WDR35: variants seen among roughly 807,000 people sequenced by gnomAD.
The protein encoded by WDR35 is WD repeat-containing protein 35.
WDR35 carries 118 observed loss-of-function variants against 158.3 expected under a neutral mutation model. The observed-to-expected ratio is 0.75, with a 90% CI of 0.64 to 0.87. The LOEUF (loss-of-function observed/expected upper bound fraction) is 0.87, where lower values mean the gene tolerates loss of function less well. Ranked by LOEUF, WDR35 falls within the 40% of genes least tolerant of loss-of-function variation. The pLI, the probability that WDR35 is intolerant of heterozygous loss-of-function variation, is 0.00. For synonymous variants in WDR35, 448 were observed against 476.1 expected, an observed-to-expected ratio of 0.94 and a Z score of 0.77; for missense variants, 1,263 against 1,405.8, an observed-to-expected ratio of 0.90 and a Z score of 1.62.
chr2:19,987,182 G>C (rs1672591729), intron 2 of WDR35, among the ~76,000 whole-genome samples: 1 of 152,152 alleles, frequency 6.6e-6, no homozygotes, highest in Admixed American at 6.5e-5. Flanking sequence ...TGCATCTTTA[G>C]CACAACACAG....
At chr2:19,946,866 A>G (rs1671077122) in intron 14 of WDR35, among the ~76,000 whole-genome samples, 1 of 152,212 alleles carries the variant, frequency 6.6e-6, no homozygotes, top group African/African-American at 2.4e-5. Context: ...AAAAATCTAA[A>G]GTTATTTATA....
intron 10 of WDR35, among the ~76,000 whole-genome samples, chr2:19,963,259 G>A (rs1236429973): frequency 1.3e-5 from 2 of 152,096 alleles, no homozygotes; most frequent in Non-Finnish European, 2.9e-5. Context: ...AGTTTAAAAA[G>A]GGTGATTACA....
intron 17 of WDR35, among the ~76,000 whole-genome samples, chr2:19,939,149 C>G (rs1045190818): frequency 6.6e-6 from 1 of 151,998 alleles, no homozygotes; most frequent in Non-Finnish European, 1.5e-5. Context: ...TGAAATCCAG[C>G]CAACTAAAAG....
Position 19,932,308 on chromosome 2 carries a change from A to G in WDR35, c.2798T>C (p.Phe933Ser), listed in dbSNP as rs2103398314. ...IELYRKANYF[F>S]DAAKLMFKIA... ...CTTAAACATCAGTTTAGCTGCATCA[A>G]AAAAGTAATTGGCTTTCCGATAGAG... Residue 933 changes from phenylalanine (F) to serine (S), a missense_variant, in exon 23 of 27, where the codon TTT (phenylalanine) becomes TCT (serine). Phe to Ser is a radical substitution (Grantham distance 155). Transcript: ENST00000281405. The G allele has an allele frequency of 6.2e-7, 1 of 1,613,336 alleles. No individual in the cohort carries two copies. The highest frequency in any genetic ancestry group is 1.3e-5 in the African/African-American group (1 of 75,034).
chr2:19,938,271 C>G lies in WDR35; in HGVS notation c.2057G>C (p.Arg686Pro), dbSNP rs779454982. ...SQFIEDNPHP[R>P]LWRLLAEAAL... is the part of the protein sequence containing the mutation. ...GTTTGCTTTTTTTAAATACCAAAGT[C>G]GGGGGTGTGGATTGTCCTCTATGAA... Residue 686 changes from arginine to proline, a missense_variant, in exon 18 of 27, where the codon CGA (arginine) becomes CCA (proline). By Grantham distance (103) the Arg-to-Pro change is moderately radical. Coordinates refer to ENST00000281405, the MANE Select transcript of WDR35 (RefSeq NM_020779.4). 7 of 1,613,800 alleles carry G rather than the reference C, an allele frequency of 4.3e-6. No homozygotes were observed. The South Asian group carries it at 7.7e-5, about 18-fold the overall frequency.
intron 15 of WDR35, 69 bp downstream of exon 15, chr2:19,946,392 A>G (rs936913180): frequency 2.3e-6 from 3 of 1,297,780 alleles, no homozygotes; most frequent in African/African-American, 2.9e-5. Flanking sequence ...TTTATTACAT[A>G]TAAATCTAAC....
chr2:19,984,040 TACATATATAC>T (rs1171643083), intron 2 of WDR35, among the ~76,000 whole-genome samples: 1,116 of 8,900 alleles, frequency 0.13, 29 homozygotes, highest in African/African-American at 0.14. Flanking sequence ...TATATATATA[TACATATATAC>T]ACACACCCAC....
chr2:19,981,715 C>T (rs890857213), intron 3 of WDR35, among the ~76,000 whole-genome samples: 4 of 152,034 alleles, frequency 2.6e-5, no homozygotes, highest in Non-Finnish European at 4.4e-5. Context: ...AACAGGGTCT[C>T]ATTATGTTGC....
chr2:19,946,915 T>C (rs899011031), intron 14 of WDR35, among the ~76,000 whole-genome samples: 12 of 152,280 alleles, frequency 7.9e-5, no homozygotes, highest in Admixed American at 6.5e-4. Flanking sequence ...CATTAAAAGC[T>C]AAAGCAAAGT....
chr2:19,978,531 C>T (rs1156930762), intron 5 of WDR35, among the ~76,000 whole-genome samples: 2 of 152,076 alleles, frequency 1.3e-5, no homozygotes, highest in Non-Finnish European at 2.9e-5. Flanking sequence ...TTTTCAATGC[C>T]ACTGTAGGAA....
chr2:19,982,683 C>G, intron 2 of WDR35, 149 bp from the exon 3 acceptor site: 1 of 808,896 alleles, frequency 1.2e-6, no homozygotes, highest in Non-Finnish European at 1.9e-6. Context: ...TAAACATGAA[C>G]AATAACACAT....
chr2:19,978,726 G>T (rs1430927976), intron 5 of WDR35, 25 bp downstream of exon 5: 6 of 1,613,158 alleles, frequency 3.7e-6, no homozygotes, highest in Non-Finnish European at 5.1e-6. Flanking sequence ...ATTGATCTTA[G>T]TTCTATGTCC....
chr2:19,941,045 A>G lies in WDR35; in HGVS notation c.1926+714T>C, dbSNP rs1670855918. Among the ~76,000 whole-genome samples the G allele has an allele frequency of 1.3e-5, 2 of 152,338 alleles. 1 individual carries two copies. Among genetic ancestry groups the G allele is most frequent in the South Asian group, 4.1e-4 (2 of 4,822 alleles). On this transcript the variant is annotated intron_variant, in intron 17 of 26. Coordinates refer to ENST00000281405, the MANE Select transcript of WDR35 (RefSeq NM_020779.4). ...CATATCAAACCCAAATATGATTTAC[A>G]TATCAAACCCAAACCTGTTCCAAAT...
chr2:19,943,034 T>C (rs1250611578), intron 16 of WDR35, among the ~76,000 whole-genome samples: 3 of 152,124 alleles, frequency 2.0e-5, no homozygotes, highest in South Asian at 2.1e-4. Flanking sequence ...AATTTTAGCA[T>C]ATTGTGATAT....
chr2:19,950,481 G>A (rs1166113717), intron 13 of WDR35, among the ~76,000 whole-genome samples: 1 of 152,142 alleles, frequency 6.6e-6, no homozygotes, highest in Non-Finnish European at 1.5e-5. Flanking sequence ...AAGAAAATAC[G>A]TGGTTGACAA....
At chr2:19,976,714 C>T (rs1672227022) in intron 5 of WDR35, among the ~76,000 whole-genome samples, 1 of 149,406 alleles carries the variant, frequency 6.7e-6, no homozygotes, top group African/African-American at 2.5e-5. Flanking sequence ...TTTACCACTC[C>T]CTCCTTCTTG....
At chr2:19,937,695 T>C (rs1401288446) in intron 19 of WDR35, 48 bp downstream of exon 19, 2 of 1,610,420 alleles carry the variant, frequency 1.2e-6, no homozygotes, top group Admixed American at 1.7e-5. Flanking sequence ...AAAAATACAA[T>C]GATGAACTGA....
intron 12 of WDR35, 151 bp downstream of exon 12, chr2:19,953,683 C>A (rs190463759): frequency 7.0e-6 from 7 of 1,004,846 alleles, no homozygotes; most frequent in Admixed American, 2.2e-5. Flanking sequence ...TAAATTTAAA[C>A]ACATAAATTT....
rs1208657526 is a variant in WDR35, at chr2:19,960,684, A to G, written c.1195-70T>C. The G allele has an allele frequency of 1.1e-5, 13 of 1,173,686 alleles. No individual in the cohort carries two copies. The East Asian group carries it at 3.1e-4, about 28-fold the overall frequency. 72.7% of individuals were successfully genotyped at this position (1,173,686 alleles called of 1,614,324 possible). The stretch of plus-strand genomic sequence containing the variant: ...ATAATAAAGGAAATATGCTTAATAT[A>G]TATCATGCTTATCTCTTTTTCAAGT... On this transcript the variant is annotated intron_variant, in intron 10 of 26. Transcript: ENST00000281405.
Sources: allele counts gnomAD v4.1 joint callset (sites outside exome capture counted in the v4.1 genomes callset), GRCh38; gene constraint gnomAD v4.1.1; transcripts MANE v1.5; gene names NCBI Gene and HGNC (gene_info 2026-07-23, HGNC 2026-07-21).